Variants in KCNH8 observed in about 807,000 individuals in gnomAD.
The protein encoded by KCNH8 is voltage-gated delayed rectifier potassium channel KCNH8.
KCNH8 carries 70 observed loss-of-function variants against 103.6 expected under a neutral mutation model. The observed-to-expected ratio is 0.68, with a 90% CI of 0.56 to 0.82. The LOEUF (loss-of-function observed/expected upper bound fraction) is 0.82, where lower values mean the gene tolerates loss of function less well. Among genes scored for constraint, KCNH8 ranks in the 40% least tolerant of loss-of-function variants. The pLI, the probability that KCNH8 is intolerant of heterozygous loss-of-function variation, is 0.00. For synonymous variants in KCNH8, 498 were observed against 489.4 expected (o/e 1.02, Z -0.23); for missense variants, 1,217 against 1,329.9 (o/e 0.92, Z 1.32).
chr3:19,368,004 T>G (rs780258637), intron 5 of KCNH8, among the ~76,000 whole-genome samples: 5 of 152,040 alleles, frequency 3.3e-5, no homozygotes, highest in Non-Finnish European at 7.4e-5. Flanking sequence ...AAAGGGAGAC[T>G]TATGACCATA....
chr3:19,341,379 C>G (rs976731807), intron 3 of KCNH8, among the ~76,000 whole-genome samples: 1 of 152,072 alleles, frequency 6.6e-6, no homozygotes, highest in African/African-American at 2.4e-5. Flanking sequence ...TTCAGAGAGA[C>G]AGTTTAGCAA....
At chr3:19,221,870 C>T (rs1448565413) in intron 1 of KCNH8, among the ~76,000 whole-genome samples, 13 of 149,330 alleles carry the variant, frequency 8.7e-5, no homozygotes, top group Middle Eastern at 3.4e-3. Flanking sequence ...CTTCTTGAGA[C>T]GGAGTCTCAT....
intron 2 of KCNH8, among the ~76,000 whole-genome samples, chr3:19,258,941 CTCTCTCTATATATA>C (rs1366038053): frequency 0.011 from 681 of 64,402 alleles, 4 homozygotes; most frequent in Non-Finnish European, 0.015. Context: ...CTCTCTCTCT[CTCTCTCTATATATA>C]TATATATATA....
At chr3:19,449,105 C>A in intron 8 of KCNH8, 1 of 421,568 alleles carries the variant, frequency 2.4e-6, no homozygotes, top group East Asian at 7.6e-5. Context: ...TCCATCCTTT[C>A]ACTCTACTGT....
intron 1 of KCNH8, among the ~76,000 whole-genome samples, chr3:19,220,669 G>A (rs998576316): frequency 1.3e-5 from 2 of 151,950 alleles, no homozygotes; most frequent in Admixed American, 1.3e-4. Context: ...GTATCAAAAG[G>A]CATCATTGAC....
intron 5 of KCNH8, among the ~76,000 whole-genome samples, chr3:19,379,869 A>G (rs2066265695): frequency 6.6e-6 from 1 of 152,202 alleles, no homozygotes; most frequent in African/African-American, 2.4e-5. Context: ...TCTAACCCCA[A>G]TAAAGAAAAT....
intron 5 of KCNH8, among the ~76,000 whole-genome samples, chr3:19,376,206 C>G (rs181408956): frequency 6.6e-6 from 1 of 152,174 alleles, no homozygotes; most frequent in South Asian, 2.1e-4. Flanking sequence ...GCCTCGCTGC[C>G]GCCTTGCAGT....
intron 1 of KCNH8, among the ~76,000 whole-genome samples, chr3:19,165,180 T>G (rs1413310965): frequency 6.6e-6 from 1 of 152,190 alleles, no homozygotes; most frequent in Non-Finnish European, 1.5e-5. Context: ...TTAAAAATGA[T>G]TTCTGGGGTG....
chr3:19,471,013 G>A (rs922750489), intron 11 of KCNH8, among the ~76,000 whole-genome samples: 14 of 152,072 alleles, frequency 9.2e-5, no homozygotes, highest in African/African-American at 3.4e-4. Flanking sequence ...ATTTTTAGTG[G>A]CATCTGGATA....
intron 1 of KCNH8, among the ~76,000 whole-genome samples, chr3:19,159,206 C>G (rs927448850): frequency 6.6e-6 from 1 of 151,712 alleles, no homozygotes; most frequent in Non-Finnish European, 1.5e-5. Context: ...TAATATTGAA[C>G]TATCTTTGCA....
intron 2 of KCNH8, among the ~76,000 whole-genome samples, chr3:19,271,090 A>G (rs927156285): frequency 6.6e-6 from 1 of 152,118 alleles, no homozygotes; most frequent in Non-Finnish European, 1.5e-5. Flanking sequence ...AATATATCAA[A>G]AATAGATCAT....
At chr3:19,278,385 A>G (rs1463158597) in intron 2 of KCNH8, among the ~76,000 whole-genome samples, 1 of 148,618 alleles carries the variant, frequency 6.7e-6, no homozygotes, top group East Asian at 2.1e-4. Context: ...GACAGTTGAA[A>G]GGAAAAAAGG....
chr3:19,377,019 T>C (rs1374030089), intron 5 of KCNH8, among the ~76,000 whole-genome samples: 1 of 152,180 alleles, frequency 6.6e-6, no homozygotes, highest in African/African-American at 2.4e-5. Flanking sequence ...AGACAGAATG[T>C]CCTTTATTGT....
intron 1 of KCNH8, among the ~76,000 whole-genome samples, chr3:19,231,647 C>G (rs1191697763): frequency 6.6e-6 from 1 of 152,120 alleles, no homozygotes; most frequent in Non-Finnish European, 1.5e-5. Context: ...ATGGGCCAGC[C>G]TACAAGATCA....
At chr3:19,160,346 T>G (rs540452126) in intron 1 of KCNH8, among the ~76,000 whole-genome samples, 1 of 151,814 alleles carries the variant, frequency 6.6e-6, no homozygotes, top group South Asian at 2.1e-4. Flanking sequence ...TTGGTAAGAG[T>G]TTTTTATGAT....
chr3:19,316,397 C>T (rs1387858654), intron 3 of KCNH8, among the ~76,000 whole-genome samples: 6 of 151,844 alleles, frequency 4.0e-5, no homozygotes, highest in Admixed American at 2.6e-4. Context: ...TATACAACAA[C>T]CAGGCCATAA....
intron 5 of KCNH8, among the ~76,000 whole-genome samples, chr3:19,371,751 G>C (rs1257347106): frequency 8.4e-6 from 1 of 119,180 alleles, no homozygotes; most frequent in Admixed American, 7.8e-5. Flanking sequence ...TAGGTCTAAC[G>C]TTTAAAGTCT....
chr3:19,495,496 T>C (rs1575138874), intron 11 of KCNH8, among the ~76,000 whole-genome samples: 1 of 152,186 alleles, frequency 6.6e-6, no homozygotes, highest in Non-Finnish European at 1.5e-5. Context: ...GTTGGCTTTG[T>C]TGAAGATCAG....
At chr3:19,242,739 G>A (rs1432049662) in intron 1 of KCNH8, among the ~76,000 whole-genome samples, 1 of 152,052 alleles carries the variant, frequency 6.6e-6, no homozygotes, top group Admixed American at 6.6e-5. Flanking sequence ...AGGTCACCAG[G>A]TCCTATACCT....
Sources: gnomAD v4.1 joint callset for allele counts (sites outside exome capture counted in the v4.1 genomes callset) on GRCh38, gnomAD v4.1.1 for gene constraint, MANE v1.5 for transcripts, NCBI Gene and HGNC (gene_info 2026-07-23, HGNC 2026-07-21) for gene names.